The following JARID2 variants were observed in gnomAD, a reference collection of about 807,000 sequenced individuals.
The protein encoded by JARID2 is protein Jumonji.
JARID2 carries 21 observed loss-of-function variants against 125.6 expected under a neutral mutation model. That is an observed-to-expected ratio of 0.17 (90% CI 0.12 to 0.24). JARID2 has a LOEUF of 0.24. Ranked by LOEUF, JARID2 falls within the 10% of genes least tolerant of loss-of-function variation. The probability of loss-of-function intolerance (pLI) is 1.00; values close to 1 mark genes in which losing one functional copy is unlikely to be tolerated. For synonymous variants in JARID2, 736 were observed against 661.6 expected (o/e 1.11, Z -1.73); for missense variants, 1,303 against 1,639.6 (o/e 0.79, Z 3.55).
intron 3 of JARID2, among the ~76,000 whole-genome samples, chr6:15,416,098 G>A (rs1461286227): frequency 6.6e-6 from 1 of 151,976 alleles, no homozygotes; most frequent in East Asian, 1.9e-4. Context: ...TGGGCGGCTG[G>A]GCAGAGACTC....
At chr6:15,327,321 G>A (rs1762563055) in intron 1 of JARID2, among the ~76,000 whole-genome samples, 3 of 152,112 alleles carry the variant, frequency 2.0e-5, no homozygotes, top group Admixed American at 1.3e-4. Flanking sequence ...ATAGCTGGCT[G>A]CATAGGTGCC....
At chr6:15,497,540 C>T (rs1471016158) in intron 7 of JARID2, among the ~76,000 whole-genome samples, 1 of 151,542 alleles carries the variant, frequency 6.6e-6, no homozygotes, top group Non-Finnish European at 1.5e-5. Context: ...GTCCCAGCTA[C>T]TTGGAGAGGC....
intron 6 of JARID2, among the ~76,000 whole-genome samples, chr6:15,494,248 C>T (rs1243879806): frequency 6.6e-6 from 1 of 152,082 alleles, no homozygotes; most frequent in African/African-American, 2.4e-5. Context: ...AGCGCGGTCC[C>T]CAGGTCAGCA....
At chr6:15,369,931 C>A (rs1317624054) in intron 1 of JARID2, among the ~76,000 whole-genome samples, 2 of 152,214 alleles carry the variant, frequency 1.3e-5, no homozygotes, top group South Asian at 2.1e-4. Flanking sequence ...AAGGATGTCT[C>A]CCCTAGGACA....
chr6:15,444,260 G>C (rs1307243223), intron 3 of JARID2, among the ~76,000 whole-genome samples: 2 of 152,160 alleles, frequency 1.3e-5, no homozygotes, highest in Non-Finnish European at 2.9e-5. Context: ...GTGGGAACTG[G>C]GTGGACCTTG....
At chr6:15,458,153 C>T (rs1056308399) in intron 4 of JARID2, among the ~76,000 whole-genome samples, 27 of 152,228 alleles carry the variant, frequency 1.8e-4, no homozygotes, top group Non-Finnish European at 3.8e-4. Context: ...CCTGTCACCA[C>T]TCTGGTTATT....
intron 1 of JARID2, among the ~76,000 whole-genome samples, chr6:15,286,234 A>G (rs914801933): frequency 2.6e-5 from 4 of 151,698 alleles, no homozygotes; most frequent in Admixed American, 2.0e-4. Context: ...ATAGCAATCT[A>G]ATTTTATAAT....
At chr6:15,369,494 G>A (rs1348589907) in intron 1 of JARID2, among the ~76,000 whole-genome samples, 1 of 152,166 alleles carries the variant, frequency 6.6e-6, no homozygotes, top group African/African-American at 2.4e-5. Context: ...GAATGCATGG[G>A]GTGCTTGGTT....
intron 2 of JARID2, among the ~76,000 whole-genome samples, chr6:15,399,935 T>C (rs1765360291): frequency 6.6e-6 from 1 of 152,274 alleles, no homozygotes; most frequent in Non-Finnish European, 1.5e-5. Context: ...CTGGTTGAAG[T>C]TCAAAGAAAG....
At chr6:15,420,558 TTTGA>T (rs1482279069) in intron 3 of JARID2, among the ~76,000 whole-genome samples, 1 of 152,224 alleles carries the variant, frequency 6.6e-6, no homozygotes, top group Non-Finnish European at 1.5e-5. Flanking sequence ...ACAAAACAGT[TTTGA>T]TTGATTAATC....
In JARID2 at chr6:15,507,341, T is replaced by C. The variant is rs1771054074; in HGVS notation, c.2661-5T>C. On this transcript the variant is annotated splice_region_variant and splice_polypyrimidine_tract_variant and intron_variant, in intron 10 of 17. Transcript: ENST00000341776. ...TTGTAACGTCCCTCGTCTTCCCCTT[T>C]GCAGGCATGGATGGAACCTCACCGT... The C allele has an allele frequency of 6.2e-7, 1 of 1,613,872 alleles. No homozygotes were observed. The highest frequency in any genetic ancestry group is 8.5e-7 in the Non-Finnish European group (1 of 1,179,754).
intron 1 of JARID2, among the ~76,000 whole-genome samples, chr6:15,357,227 G>A (rs1190053098): frequency 6.6e-6 from 1 of 152,174 alleles, no homozygotes; most frequent in Non-Finnish European, 1.5e-5. Flanking sequence ...CATGAAGTAC[G>A]CTGAATAAGT....
At chr6:15,268,674 C>T (rs759499778) in intron 1 of JARID2, among the ~76,000 whole-genome samples, 4 of 152,148 alleles carry the variant, frequency 2.6e-5, no homozygotes, top group African/African-American at 9.7e-5. Flanking sequence ...GCACACGTCT[C>T]CCTCTGCCCC....
At chr6:15,459,058 A>C (rs1179800443) in intron 4 of JARID2, among the ~76,000 whole-genome samples, 1 of 152,222 alleles carries the variant, frequency 6.6e-6, no homozygotes, top group African/African-American at 2.4e-5. Flanking sequence ...GAAGGCTGGC[A>C]TGTCTTGGGC....
At chr6:15,327,129 C>T (rs1227472643) in intron 1 of JARID2, among the ~76,000 whole-genome samples, 2 of 152,184 alleles carry the variant, frequency 1.3e-5, no homozygotes, top group African/African-American at 4.8e-5. Context: ...TTTTTCTCCC[C>T]TTTCTCTTAC....
intron 3 of JARID2, among the ~76,000 whole-genome samples, chr6:15,437,916 C>G (rs1312852543): frequency 6.6e-6 from 1 of 152,008 alleles, no homozygotes; most frequent in Non-Finnish European, 1.5e-5. Flanking sequence ...TTAAGAAGAA[C>G]AAGTGAATTT....
intron 3 of JARID2, among the ~76,000 whole-genome samples, chr6:15,422,110 T>TC (rs1249689488): frequency 6.6e-6 from 1 of 151,496 alleles, no homozygotes; most frequent in African/African-American, 2.4e-5. Context: ...ATGTTAGAGG[T>TC]CCTTTTGTTT....
At chr6:15,335,214 C>T (rs1160346377) in intron 1 of JARID2, among the ~76,000 whole-genome samples, 2 of 152,220 alleles carry the variant, frequency 1.3e-5, no homozygotes, top group African/African-American at 4.8e-5. Context: ...ATTCTCATGC[C>T]TCAGCCTCCC....
At chr6:15,298,217 A>G (rs1256673108) in intron 1 of JARID2, among the ~76,000 whole-genome samples, 2 of 152,232 alleles carry the variant, frequency 1.3e-5, no homozygotes, top group Non-Finnish European at 2.9e-5. Flanking sequence ...TTTATTAAGT[A>G]TCTTCTGGAT....
Sources: gnomAD v4.1 joint callset for allele counts (sites outside exome capture counted in the v4.1 genomes callset) on GRCh38, gnomAD v4.1.1 for gene constraint, MANE v1.5 for transcripts, NCBI Gene and HGNC (gene_info 2026-07-23, HGNC 2026-07-21) for gene names.